OCIAD1: variants seen among roughly 807,000 people sequenced by gnomAD.
The protein encoded by OCIAD1 is OCIA domain containing 1.
In OCIAD1, 29 loss-of-function variants were observed where a neutral mutation model predicts 38.9. The ratio of observed to expected loss-of-function variants is 0.74; its 90% confidence interval spans 0.55 to 1.02. The LOEUF (loss-of-function observed/expected upper bound fraction) is 1.02. Among genes scored for constraint, OCIAD1 ranks in the 50% least tolerant of loss-of-function variants. The pLI, the probability that OCIAD1 is intolerant of heterozygous loss-of-function variation, is 0.00. For synonymous variants in OCIAD1, 110 were observed against 92.0 expected (o/e 1.20, Z -1.12); for missense variants, 288 against 289.6 (o/e 0.99, Z 0.04).
At chr4:48,826,198 A>C (rs1047829216), upstream of OCIAD1, among the ~76,000 whole-genome samples, 1 of 152,068 alleles carries the variant, frequency 6.6e-6, no homozygotes, top group African/African-American at 2.4e-5. Context: ...ACATGTGAAC[A>C]ACGTGCAGGT....
At chr4:48,823,179 GC>G (rs1777211472) in intron 1 of OCIAD1, among the ~76,000 whole-genome samples, 1 of 152,108 alleles carries the variant, frequency 6.6e-6, no homozygotes, top group South Asian at 2.1e-4. Flanking sequence ...AGAAAATGTG[GC>G]GCATACATAC....
intron 3 of OCIAD1, among the ~76,000 whole-genome samples, chr4:48,840,700 T>G (rs1363482855): frequency 1.3e-5 from 2 of 152,068 alleles, no homozygotes; most frequent in Non-Finnish European, 2.9e-5. Flanking sequence ...TTTTTACATT[T>G]TTAAATGGTT....
At chr4:48,826,956 C>T (rs536247688), upstream of OCIAD1, among the ~76,000 whole-genome samples, 1 of 152,270 alleles carries the variant, frequency 6.6e-6, no homozygotes, top group Non-Finnish European at 1.5e-5. Flanking sequence ...AGTTCTCCAT[C>T]CTTACCAGCA....
At chr4:48,829,682 C>G (rs895390385), upstream of OCIAD1, among the ~76,000 whole-genome samples, 1 of 152,178 alleles carries the variant, frequency 6.6e-6, no homozygotes, top group Non-Finnish European at 1.5e-5. Context: ...TCTGGAAGAA[C>G]AGTGGTCTAG....
At chr4:48,856,168 A>G (rs1321113026) in intron 7 of OCIAD1, 1 of 152,028 alleles carries the variant, frequency 6.6e-6, no homozygotes, top group Non-Finnish European at 1.5e-5. Context: ...CAATATTAGG[A>G]GTAACCACTG....
intron 1 of OCIAD1, among the ~76,000 whole-genome samples, chr4:48,822,939 G>A (rs1033810407): frequency 7.2e-5 from 11 of 152,336 alleles, no homozygotes; most frequent in African/African-American, 2.2e-4. Flanking sequence ...TACACTGTTG[G>A]TGGGAGTGTA....
intron 4 of OCIAD1, among the ~76,000 whole-genome samples, chr4:48,846,324 C>T (rs1245518791): frequency 1.3e-5 from 2 of 152,214 alleles, no homozygotes; most frequent in African/African-American, 4.8e-5. Flanking sequence ...AAATCATACA[C>T]TGAAATATTC....
At chr4:48,805,358 GC>G (rs1777014416) in intron 1 of OCIAD1, 1 of 152,094 alleles carries the variant, frequency 6.6e-6, no homozygotes, top group African/African-American at 2.4e-5. Context: ...GAACCACACA[GC>G]TAACCCACTC....
Position 48,833,432 on chromosome 4 carries a change from A to G in OCIAD1, c.90A>G (p.Glu30=). Residue 30 remains glutamate, a synonymous_variant, in exon 3 of 9, where the codon GAA becomes GAG. Coordinates refer to ENST00000264312, the MANE Select transcript of OCIAD1 (RefSeq NM_017830.4). ...GGCCTGATTACATTCCAACAGAGGAAGAAAGGAGAGTCTTCGCAGAATGCA... is the reference window on the plus strand; with the variant it reads ...GGCCTGATTACATTCCAACAGAGGAGGAAAGGAGAGTCTTCGCAGAATGCA... ...HIGPDYIPTE[E]ERRVFAECND... is the part of the protein sequence containing the mutation. The G allele has an allele frequency of 1.2e-6, 2 of 1,606,602 alleles. No individual in the cohort carries two copies. The highest frequency in any genetic ancestry group is 1.7e-5 in the Admixed American group (1 of 59,820).
In OCIAD1 at chr4:48,850,056, A is replaced by G. The variant is rs1181118675; in HGVS notation, c.351A>G (p.Gly117=). 3 of 1,612,594 alleles carry G rather than the reference A, an allele frequency of 1.9e-6. No homozygotes were observed. In the South Asian group the frequency reaches 3.3e-5, roughly 18 times the overall value. ...NSPLGEALRS[G]QARRSSPPGH... The stretch of plus-strand genomic sequence containing the variant: ...CCCTTGGAGAAGCTTTACGATCAGG[A>G]CAAGCACGACGATCTTCACCACCTG... The change falls in exon 6 of 9, where the codon GGA becomes GGG. Residue 117 remains glycine, a synonymous_variant. Coordinates refer to ENST00000264312, the MANE Select transcript of OCIAD1 (RefSeq NM_017830.4).
At chr4:48,817,191 G>A (rs1777151731) in intron 1 of OCIAD1, among the ~76,000 whole-genome samples, 1 of 152,182 alleles carries the variant, frequency 6.6e-6, no homozygotes, top group Non-Finnish European at 1.5e-5. Flanking sequence ...AAGGAGCCAG[G>A]AACCTCCCTC....
At chr4:48,813,668 A>C (rs374477158) in intron 1 of OCIAD1, among the ~76,000 whole-genome samples, 2 of 152,220 alleles carry the variant, frequency 1.3e-5, no homozygotes, top group African/African-American at 4.8e-5. Flanking sequence ...AGGGGAAACA[A>C]ACAAACAAAA....
Position 48,833,208 on chromosome 4 carries a change from C to T in OCIAD1, c.59-193C>T, listed in dbSNP as rs753843426. Among the ~76,000 whole-genome samples, 3 of 152,046 alleles carry T rather than the reference C, an allele frequency of 2.0e-5. No homozygotes were observed. The South Asian group carries it at 6.2e-4, about 32-fold the overall frequency. Reference sequence around the variant, plus strand: ...TGGAGGTTGCAGTGAGCCGAGATCGCGCCATTGCACTCCAGCCTGGGCAAC... The same window carrying T: ...TGGAGGTTGCAGTGAGCCGAGATCGTGCCATTGCACTCCAGCCTGGGCAAC... On this transcript the variant is annotated intron_variant, in intron 2 of 8. Transcript: ENST00000264312.
chr4:48,831,254 G>GC lies in OCIAD1; in HGVS notation c.-6+5_-6+6insC. ...GCCTGCTGCTGTCGTCGGGAGGTGG[G>GC]TGAGGTGACGCAAACAGCCCCGTTG... On this transcript the variant is annotated splice_donor_region_variant and intron_variant, in intron 1 of 8. Coordinates refer to ENST00000264312, the MANE Select transcript of OCIAD1 (RefSeq NM_017830.4). 8.7e-6 allele frequency: 3 copies of GC among 344,888 alleles called. 1 individual carries two copies. In the Admixed American group the frequency reaches 1.2e-4, roughly 14 times the overall value. 21.4% of individuals were successfully genotyped at this position (344,888 alleles called of 1,614,324 possible).
intron 4 of OCIAD1, among the ~76,000 whole-genome samples, chr4:48,844,862 T>G (rs1336688050): frequency 6.6e-6 from 1 of 152,202 alleles, no homozygotes; most frequent in Non-Finnish European, 1.5e-5. Context: ...TTACTTATAA[T>G]ACCTAAGACT....
At chr4:48,819,892 T>C (rs1474401817) in intron 1 of OCIAD1, among the ~76,000 whole-genome samples, 3 of 152,112 alleles carry the variant, frequency 2.0e-5, no homozygotes, top group Admixed American at 1.3e-4. Flanking sequence ...AGCACTCAGA[T>C]TCATAAAACA....
At chr4:48,835,016 A>T (rs958541076) in intron 3 of OCIAD1, among the ~76,000 whole-genome samples, 1 of 152,090 alleles carries the variant, frequency 6.6e-6, no homozygotes, top group East Asian at 1.9e-4. Context: ...TCACGTCAAC[A>T]TCCTTCTCCT....
At chr4:48,823,635 A>T (rs1198057325) in intron 1 of OCIAD1, among the ~76,000 whole-genome samples, 1 of 151,314 alleles carries the variant, frequency 6.6e-6, no homozygotes, top group Non-Finnish European at 1.5e-5. Flanking sequence ...TTAAATGATG[A>T]TCTCTTTGAA....
intron 3 of OCIAD1, among the ~76,000 whole-genome samples, chr4:48,834,008 A>C (rs957714071): frequency 6.6e-6 from 1 of 152,090 alleles, no homozygotes; most frequent in Non-Finnish European, 1.5e-5. Flanking sequence ...AGAAATATAT[A>C]TATATTTGTG....
Sources: gnomAD v4.1 joint callset for allele counts (sites outside exome capture counted in the v4.1 genomes callset) on GRCh38, gnomAD v4.1.1 for gene constraint, MANE v1.5 for transcripts, NCBI Gene and HGNC (gene_info 2026-07-23, HGNC 2026-07-21) for gene names.